The following CADPS2 variants were observed in gnomAD, a reference collection of about 807,000 sequenced individuals.
CADPS2 encodes calcium-dependent secretion activator 2.
A neutral mutation model predicts 172.5 loss-of-function variants in CADPS2; 93 were observed. The ratio of observed to expected loss-of-function variants is 0.54; its 90% CI spans 0.46 to 0.64. The LOEUF (loss-of-function observed/expected upper bound fraction) is 0.64. CADPS2 is among the 30% of genes least tolerant of loss of function. The pLI, the probability that CADPS2 is intolerant of heterozygous loss-of-function variation, is 0.00. For synonymous variants in CADPS2, 546 were observed against 555.2 expected (o/e 0.98, Z 0.23); for missense variants, 1,420 against 1,565.9 (o/e 0.91, Z 1.57).
At chr7:122,809,871 C>T (rs970962450) in intron 1 of CADPS2, among the ~76,000 whole-genome samples, 2 of 152,128 alleles carry the variant, frequency 1.3e-5, no homozygotes, top group Non-Finnish European at 2.9e-5. Context: ...CGTCTTTCCA[C>T]GTGTCAACCT....
chr7:122,703,854 G>A (rs1027703610), intron 2 of CADPS2, among the ~76,000 whole-genome samples: 6 of 152,056 alleles, frequency 3.9e-5, no homozygotes, highest in African/African-American at 1.2e-4. Flanking sequence ...GTAACTGGAA[G>A]GACAGTAGTG....
chr7:122,338,462 C>T (rs750129653), intron 28 of CADPS2, among the ~76,000 whole-genome samples: 3 of 152,130 alleles, frequency 2.0e-5, no homozygotes, highest in South Asian at 2.1e-4. Flanking sequence ...AAGTACCTCA[C>T]TGTACTCATA....
At chr7:122,874,065 T>G (rs944235873) in intron 1 of CADPS2, among the ~76,000 whole-genome samples, 1 of 152,184 alleles carries the variant, frequency 6.6e-6, no homozygotes, top group Non-Finnish European at 1.5e-5. Context: ...ATTAGCCCTT[T>G]GTCAGATGGA....
intron 14 of CADPS2, among the ~76,000 whole-genome samples, chr7:122,470,253 C>T (rs1470244178): frequency 6.6e-6 from 1 of 151,082 alleles, no homozygotes; most frequent in Non-Finnish European, 1.5e-5. Flanking sequence ...AAATGAAGGC[C>T]AGAATTAGGA....
intron 8 of CADPS2, among the ~76,000 whole-genome samples, chr7:122,531,130 A>G (rs371064793): frequency 1.3e-5 from 2 of 152,314 alleles, no homozygotes; most frequent in African/African-American, 4.8e-5. Flanking sequence ...CAGTGACAGC[A>G]AGCTGTACTG....
intron 6 of CADPS2, among the ~76,000 whole-genome samples, chr7:122,609,752 T>G (rs539389629): frequency 1.5e-4 from 23 of 152,290 alleles, no homozygotes; most frequent in African/African-American, 5.5e-4. Context: ...AAATCTTGAT[T>G]AAGTGTATTG....
intron 1 of CADPS2, among the ~76,000 whole-genome samples, chr7:122,806,592 T>C (rs1485367795): frequency 2.0e-5 from 3 of 152,230 alleles, no homozygotes; most frequent in Non-Finnish European, 4.4e-5. Context: ...CGAATGATTT[T>C]ATCTTTCTCT....
chr7:122,646,946 AG>A (rs2134792918), intron 3 of CADPS2, among the ~76,000 whole-genome samples: 1 of 152,264 alleles, frequency 6.6e-6, no homozygotes, highest in African/African-American at 2.4e-5. Flanking sequence ...AGCAGTATGG[AG>A]TAATTCAGTT....
intron 7 of CADPS2, among the ~76,000 whole-genome samples, chr7:122,564,966 T>G (rs1411119796): frequency 1.3e-5 from 2 of 151,628 alleles, no homozygotes; most frequent in Non-Finnish European, 2.9e-5. Context: ...AGTGAAATAA[T>G]TCAGAAACAG....
At chr7:122,873,531 T>G (rs939808557) in intron 1 of CADPS2, among the ~76,000 whole-genome samples, 10 of 151,914 alleles carry the variant, frequency 6.6e-5, no homozygotes, top group African/African-American at 1.9e-4. Flanking sequence ...TAGTATTCCG[T>G]GGTGTATATG....
intron 3 of CADPS2, among the ~76,000 whole-genome samples, chr7:122,659,993 G>C (rs1285305612): frequency 1.3e-5 from 2 of 152,036 alleles, no homozygotes; most frequent in African/African-American, 4.8e-5. Context: ...TGGCCTACAA[G>C]ACATGATAAA....
At chr7:122,555,357 C>T (rs2064900257) in intron 7 of CADPS2, among the ~76,000 whole-genome samples, 2 of 152,102 alleles carry the variant, frequency 1.3e-5, no homozygotes, top group East Asian at 1.9e-4. Flanking sequence ...GACAAGCCTA[C>T]TCTTCAGATG....
chr7:122,840,271 G>T (rs1810041029), intron 1 of CADPS2, among the ~76,000 whole-genome samples: 2 of 152,150 alleles, frequency 1.3e-5, no homozygotes, highest in South Asian at 4.1e-4. Context: ...ACACACCAGG[G>T]CCTGTTGTGG....
At chr7:122,549,436 C>T (rs996499436) in intron 8 of CADPS2, among the ~76,000 whole-genome samples, 1 of 151,942 alleles carries the variant, frequency 6.6e-6, no homozygotes, top group African/African-American at 2.4e-5. Flanking sequence ...TCAAGACATT[C>T]GTGTGATTGT....
chr7:122,746,385 A>T (rs929685884), intron 1 of CADPS2, among the ~76,000 whole-genome samples: 1 of 152,136 alleles, frequency 6.6e-6, no homozygotes, highest in Non-Finnish European at 1.5e-5. Flanking sequence ...AGAATAAAAA[A>T]ATACCTGCCA....
At chr7:122,631,218 TAA>T (rs991562731) in intron 3 of CADPS2, among the ~76,000 whole-genome samples, 4 of 152,128 alleles carry the variant, frequency 2.6e-5, no homozygotes, top group Non-Finnish European at 5.9e-5. Flanking sequence ...TCAAAAGACA[TAA>T]AAAGTTACTT....
intron 17 of CADPS2, among the ~76,000 whole-genome samples, chr7:122,416,471 G>A (rs1272844214): frequency 1.3e-5 from 2 of 152,174 alleles, no homozygotes; most frequent in Non-Finnish European, 2.9e-5. Flanking sequence ...GACACAAAGA[G>A]AGCAGATACC....
At chr7:122,342,943 A>G (rs1005520134) in intron 28 of CADPS2, among the ~76,000 whole-genome samples, 11 of 152,172 alleles carry the variant, frequency 7.2e-5, no homozygotes, top group Admixed American at 7.2e-4. Context: ...GACACCTAAC[A>G]ATATTATTTT....
intron 3 of CADPS2, among the ~76,000 whole-genome samples, chr7:122,629,603 T>C (rs977645785): frequency 6.6e-6 from 1 of 152,152 alleles, no homozygotes; most frequent in Non-Finnish European, 1.5e-5. Flanking sequence ...CAGTCCTAAA[T>C]AGTTCCAGAA....
Sources: allele counts gnomAD v4.1 joint callset (sites outside exome capture counted in the v4.1 genomes callset), GRCh38; gene constraint gnomAD v4.1.1; transcripts MANE v1.5; gene names NCBI Gene and HGNC (gene_info 2026-07-23, HGNC 2026-07-21).